The following PIWIL1 variants were observed in gnomAD, a reference collection of about 807,000 sequenced individuals.
PIWIL1 encodes the protein piwi-like protein 1.
Under a neutral mutation model 114.4 loss-of-function variants are expected in PIWIL1, and 73 were observed. That is an observed-to-expected ratio of 0.64 (90% confidence interval 0.53 to 0.78). The LOEUF (loss-of-function observed/expected upper bound fraction) is 0.78. Ranked by LOEUF, PIWIL1 falls within the 30% of genes least tolerant of loss-of-function variation. The pLI is 0.00. For synonymous variants in PIWIL1, 375 were observed against 369.0 expected (o/e 1.02, Z -0.19); for missense variants, 723 against 1,063.1 (o/e 0.68, Z 4.45).
the PIWIL1 span, chr12:130,397,303 C>A: frequency 2.5e-6 from 1 of 398,170 alleles, no homozygotes; most frequent in Admixed American, 4.4e-5. Context: ...TCATGAAAGC[C>A]CTAGTTTGGA....
At chr12:130,412,666 A>G in the PIWIL1 span, 3 of 1,613,968 alleles carry the variant, frequency 1.9e-6, no homozygotes, top group Non-Finnish European at 2.5e-6. Context: ...CTGTCTAAGA[A>G]GCTGATCCAT....
rs79904200 is a variant in PIWIL1, at chr12:130,341,610, C to T, written c.-12-970C>T. On this transcript the variant is annotated intron_variant, in intron 1 of 20. Transcript: ENST00000245255. ...TTAGGGCTAATGTTTGTTGACTGCT[C>T]ACTAGAGGCCAGTGTGAGTTCTCAT... is the stretch of plus-strand genomic sequence containing the variant. Among the ~76,000 whole-genome samples, 783 of 152,330 alleles carry T rather than the reference C, an allele frequency of 5.1e-3. 3 individuals are homozygous for T. The highest frequency in any genetic ancestry group is 9.1e-3 in the Non-Finnish European group (618 of 68,028).
At chr12:130,407,361 C>A in the PIWIL1 span, among the ~76,000 whole-genome samples, 1 of 152,196 alleles carries the variant, frequency 6.6e-6, no homozygotes, top group African/African-American at 2.4e-5. Flanking sequence ...ATGTGTGGGG[C>A]CTGACTGCTT....
chr12:130,346,331 C>T, intron 4 of PIWIL1, 39 bp from the exon 5 acceptor site: 2 of 1,468,670 alleles, frequency 1.4e-6, no homozygotes, highest in Non-Finnish European at 1.9e-6. Context: ...GAAAAATAAA[C>T]TTGATATTTT....
At position 130,361,307 on chromosome 12, in the gene PIWIL1, T is replaced by C. The variant is rs780952458; in HGVS notation, c.1793T>C (p.Met598Thr). 27 of 1,614,208 alleles carry C rather than the reference T, an allele frequency of 1.7e-5. No homozygotes were observed. The highest frequency in any genetic ancestry group is 1.7e-5 in the Non-Finnish European group (20 of 1,180,036). The stretch of plus-strand genomic sequence containing the variant: ...ACCTTAGGCAAACAGCAAACTGTCA[T>C]GGCCATTGCTACAAAGATTGCCCTA... ...ARTLGKQQTV[M>T]AIATKIALQM... The change falls in exon 15 of 21, where the codon ATG (methionine) becomes ACG (threonine). Residue 598 changes from methionine to threonine, a missense_variant. Met to Thr is a moderately conservative substitution (Grantham distance 81). This residue lies in a region of PIWIL1 where 298 missense variants were observed against 420.8 expected (regional missense o/e 0.71). Coordinates refer to ENST00000245255, the MANE Select transcript of PIWIL1 (RefSeq NM_004764.5).
the PIWIL1 span, chr12:130,399,710 T>C: frequency 1.2e-6 from 2 of 1,614,134 alleles, no homozygotes; most frequent in South Asian, 1.1e-5. Flanking sequence ...TGGCGTATCT[T>C]GAGAGTAGTG....
chr12:130,365,761 AG>A (rs1426349300), intron 18 of PIWIL1, among the ~76,000 whole-genome samples: 1 of 152,208 alleles, frequency 6.6e-6, no homozygotes, highest in Non-Finnish European at 1.5e-5. Flanking sequence ...TACTTGTTTT[AG>A]ATGCTGTCAT....
chr12:130,396,477 G>A, the PIWIL1 span: 2 of 152,604 alleles, frequency 1.3e-5, no homozygotes, highest in African/African-American at 2.4e-5. Flanking sequence ...TGATGAAGAT[G>A]GGTATGGACT....
the PIWIL1 span, chr12:130,412,791 GA>G: frequency 6.2e-7 from 1 of 1,607,346 alleles, no homozygotes; most frequent in Non-Finnish European, 8.5e-7. Flanking sequence ...CATAAACCTA[GA>G]GCCAAGGGGG....
At chr12:130,341,087 G>T (rs79333624) in intron 1 of PIWIL1, among the ~76,000 whole-genome samples, 2,608 of 152,278 alleles carry the variant, frequency 0.017, 65 homozygotes, top group African/African-American at 0.059. Context: ...GTGATTTAAG[G>T]CAGAGTGATG....
chr12:130,353,926 CAAA>C (rs772465904), intron 9 of PIWIL1, among the ~76,000 whole-genome samples: 2 of 98,998 alleles, frequency 2.0e-5, no homozygotes, highest in African/African-American at 3.9e-5. Flanking sequence ...ACTCCATCTT[CAAA>C]AAAAAAAAAA....
intron 14 of PIWIL1, among the ~76,000 whole-genome samples, chr12:130,360,018 C>T (rs12831619): frequency 0.02 from 3,114 of 152,256 alleles, 39 homozygotes; most frequent in Middle Eastern, 0.051. Flanking sequence ...AAGACAGCAG[C>T]ACATTGTGGG....
At chr12:130,367,653 A>C (rs1362237421) in intron 19 of PIWIL1, among the ~76,000 whole-genome samples, 3 of 152,236 alleles carry the variant, frequency 2.0e-5, no homozygotes, top group Non-Finnish European at 4.4e-5. Context: ...TCTGAGACAG[A>C]GGTGCTTATG....
chr12:130,374,554 G>A (rs2073852298), downstream of PIWIL1, among the ~76,000 whole-genome samples: 1 of 152,120 alleles, frequency 6.6e-6, no homozygotes, highest in African/African-American at 2.4e-5. Flanking sequence ...TTCAAAGGAG[G>A]CTCCATGGCC....
In PIWIL1 at chr12:130,355,639, CAG is replaced by C; in HGVS notation, c.1378_1379del (p.Glu460LysfsTer10). The C allele has an allele frequency of 6.2e-7, 1 of 1,613,810 alleles. No individual in the cohort carries two copies. On this transcript the variant is annotated frameshift_variant, in exon 12 of 21. Coordinates refer to ENST00000245255, the MANE Select transcript of PIWIL1 (RefSeq NM_004764.5). LOFTEE classifies it high-confidence loss of function. ...TCCTTCTCAGGAAGAATTTTGCAAA[CAG>C]AAAAGATTCACCAAGGTGGAAAAAC...
At chr12:130,348,882 C>T (rs773598117) in intron 7 of PIWIL1, among the ~76,000 whole-genome samples, 7 of 151,816 alleles carry the variant, frequency 4.6e-5, no homozygotes, top group East Asian at 1.9e-4. Flanking sequence ...GGTGACAGAG[C>T]GAGACACTAA....
chr12:130,360,347 G>A (rs1443409522), intron 14 of PIWIL1, among the ~76,000 whole-genome samples: 2 of 152,064 alleles, frequency 1.3e-5, no homozygotes, highest in South Asian at 2.1e-4. Context: ...GTTACAAGCT[G>A]GATTCAGGCC....
chr12:130,391,489 C>G, the PIWIL1 span, among the ~76,000 whole-genome samples: 2 of 152,218 alleles, frequency 1.3e-5, no homozygotes, highest in African/African-American at 4.8e-5. Context: ...CCTCCCCCGT[C>G]CCTTTTCCTC....
In PIWIL1 at chr12:130,371,141, T is replaced by G. The variant is rs759503217; in HGVS notation, c.2322-35T>G. The G allele has an allele frequency of 8.1e-6, 13 of 1,596,860 alleles. No homozygotes were observed. The South Asian group carries it at 1.4e-4, about 18-fold the overall frequency. On this transcript the variant is annotated intron_variant, in intron 19 of 20. Coordinates refer to ENST00000245255, the MANE Select transcript of PIWIL1 (RefSeq NM_004764.5). Reference sequence around the variant, plus strand: ...GAAACTGGAATCACCCTAATTTTAGTTTTCAGCACATCCGTGTGTTTTCTG... The same window carrying G: ...GAAACTGGAATCACCCTAATTTTAGGTTTCAGCACATCCGTGTGTTTTCTG...
Sources: allele counts gnomAD v4.1 joint callset (sites outside exome capture counted in the v4.1 genomes callset), GRCh38; gene constraint gnomAD v4.1.1; regional missense constraint gnomAD v4.1.1; transcripts MANE v1.5; gene names NCBI Gene and HGNC (gene_info 2026-07-23, HGNC 2026-07-21).